Variants in KREMEN1 observed in about 807,000 individuals in gnomAD.
KREMEN1 encodes kremen protein 1.
Under a neutral mutation model 46.5 loss-of-function variants are expected in KREMEN1, and 30 were observed. The observed-to-expected ratio is 0.65, with a 90% CI of 0.48 to 0.88. The LOEUF is 0.88. Among genes scored for constraint, KREMEN1 ranks in the 40% least tolerant of loss-of-function variants. The pLI is 0.00. For synonymous variants in KREMEN1, 214 were observed against 230.6 expected (o/e 0.93, Z 0.65); for missense variants, 533 against 596.9 (o/e 0.89, Z 1.11).
chr22:29,122,416 TAAA>T (rs2038370438), intron 4 of KREMEN1, among the ~76,000 whole-genome samples: 2 of 152,216 alleles, frequency 1.3e-5, no homozygotes, highest in South Asian at 4.1e-4. Flanking sequence ...CTTTCAAAGT[TAAA>T]TATGCACATA....
intron 3 of KREMEN1, among the ~76,000 whole-genome samples, chr22:29,099,848 C>T (rs1034382070): frequency 1.3e-5 from 2 of 151,460 alleles, no homozygotes; most frequent in Admixed American, 6.6e-5. Flanking sequence ...ACACCCGGCA[C>T]CTGTATTCAC....
chr22:29,121,416 A>G lies in KREMEN1; in HGVS notation c.412A>G (p.Ser138Gly), dbSNP rs377416427. 10 of 1,614,050 alleles carry G rather than the reference A, an allele frequency of 6.2e-6. No individual in the cohort carries two copies. Among genetic ancestry groups the G allele is most frequent in the Non-Finnish European group, 8.5e-6 (10 of 1,180,020 alleles). ...HGNPPPLTGT[S>G]KTSNKLTIQT... The stretch of plus-strand genomic sequence containing the variant: ...AAACCCACCTCCTCTAACTGGCACC[A>G]GTAAAACGTCCAACAAACTCACCAT... Residue 138 changes from serine to glycine, a missense_variant, in exon 4 of 9, where the codon AGT becomes GGT. Coordinates refer to ENST00000400335, the MANE Select transcript of KREMEN1 (RefSeq NM_001039570.3).
rs1163830285 is a variant in KREMEN1, at chr22:29,091,195, A to G, written c.98-3063A>G. Among the ~76,000 whole-genome samples, 2 of 152,006 alleles carry G rather than the reference A, an allele frequency of 1.3e-5. 1 individual carries two copies. Among genetic ancestry groups the G allele is most frequent in the Non-Finnish European group, 2.9e-5 (2 of 67,998 alleles). On this transcript the variant is annotated intron_variant, in intron 1 of 8. Coordinates refer to ENST00000400335, the MANE Select transcript of KREMEN1 (RefSeq NM_001039570.3). ...TCCATGTTGGCCAGGCTGGTCTCGAACTCCTGACCTCAGGTGATCCGCTCG... is the reference window on the plus strand; with the variant it reads ...TCCATGTTGGCCAGGCTGGTCTCGAGCTCCTGACCTCAGGTGATCCGCTCG...
intron 1 of KREMEN1, among the ~76,000 whole-genome samples, chr22:29,074,703 A>G (rs1170494989): frequency 6.6e-6 from 1 of 152,232 alleles, no homozygotes; most frequent in East Asian, 1.9e-4. Flanking sequence ...TGCTGGTGTA[A>G]GAAAACTCAG....
intron 4 of KREMEN1, among the ~76,000 whole-genome samples, chr22:29,123,032 A>C (rs549692357): frequency 6.6e-6 from 1 of 151,804 alleles, no homozygotes; most frequent in Non-Finnish European, 1.5e-5. Flanking sequence ...GAACTTAAAC[A>C]CAAGACTACA....
At chr22:29,080,206 TTCCC>T (rs1166810738) in intron 1 of KREMEN1, among the ~76,000 whole-genome samples, 1 of 152,216 alleles carries the variant, frequency 6.6e-6, no homozygotes, top group Non-Finnish European at 1.5e-5. Flanking sequence ...CCTTCAATCC[TTCCC>T]TCCCTCCATG....
At chr22:29,134,943 G>A (rs1200133187) in intron 5 of KREMEN1, among the ~76,000 whole-genome samples, 2 of 152,132 alleles carry the variant, frequency 1.3e-5, no homozygotes, top group Non-Finnish European at 2.9e-5. Context: ...TTGTTACCTG[G>A]CTGTACTCAT....
intron 3 of KREMEN1, among the ~76,000 whole-genome samples, chr22:29,117,342 C>T (rs933975502): frequency 7.2e-5 from 11 of 152,156 alleles, no homozygotes; most frequent in South Asian, 4.1e-4. Context: ...CCAAGGTGGG[C>T]GGATCGCAAG....
rs2038829002 is a variant in KREMEN1 at position 29,144,861 on chromosome 22, G to A, written c.*2749G>A. The A allele has an allele frequency of 1.0e-6, 1 of 985,562 alleles. No homozygotes were observed. Among genetic ancestry groups the A allele is most frequent in the Non-Finnish European group, 1.2e-6 (1 of 830,006 alleles). The allele number at this position is 985,562 out of a possible 1,614,324, so 61.1% of individuals were successfully genotyped here. ...AGCCAATGTGCTGTCACAGCCTGCA[G>A]CGGGGGCAGCACTTCCTCGGAGGGC... On this transcript the variant is annotated 3_prime_UTR_variant, in exon 9 of 9. Transcript: ENST00000400335.
At chr22:29,075,956 C>G (rs2037563781) in intron 1 of KREMEN1, among the ~76,000 whole-genome samples, 1 of 152,166 alleles carries the variant, frequency 6.6e-6, no homozygotes, top group African/African-American at 2.4e-5. Context: ...GTAGCCAACC[C>G]CAAATGATCT....
chr22:29,100,410 A>G (rs192431229), intron 3 of KREMEN1, among the ~76,000 whole-genome samples: 4 of 152,238 alleles, frequency 2.6e-5, no homozygotes, highest in African/African-American at 4.8e-5. Context: ...TAGTCTTTAT[A>G]TATGTATATA....
downstream of KREMEN1, chr22:29,146,877 C>A: frequency 1.3e-6 from 1 of 793,308 alleles, no homozygotes; most frequent in Non-Finnish European, 1.5e-6. Context: ...GTGGGACAAG[C>A]GGAGGGTGTC....
chr22:29,132,530 A>G (rs2038579132), intron 5 of KREMEN1, among the ~76,000 whole-genome samples: 1 of 152,210 alleles, frequency 6.6e-6, no homozygotes, highest in Non-Finnish European at 1.5e-5. Flanking sequence ...CTCTCCAGCT[A>G]CAGATACTTT....
At chr22:29,164,845 G>T (rs2039040542) in intron 9 of KREMEN1, among the ~76,000 whole-genome samples, 1 of 151,988 alleles carries the variant, frequency 6.6e-6, no homozygotes, top group South Asian at 2.1e-4. Flanking sequence ...AGGCATGGTG[G>T]CTCACACCTG....
At chr22:29,153,627 G>A (rs2038935386) in intron 9 of KREMEN1, among the ~76,000 whole-genome samples, 2 of 151,938 alleles carry the variant, frequency 1.3e-5, no homozygotes, top group Non-Finnish European at 2.9e-5. Context: ...CCGAAGTGCT[G>A]AGATTACAGG....
At position 29,099,073 on chromosome 22, in the gene KREMEN1, G is replaced by A. The variant is rs557150651; in HGVS notation, c.352+120G>A. Reference sequence around the variant, plus strand: ...GGTGGATTTCATGGAGCATGTGAAAGGAGAAGCCATCCTGGGCGAGGATTT... The same window carrying A: ...GGTGGATTTCATGGAGCATGTGAAAAGAGAAGCCATCCTGGGCGAGGATTT... On this transcript the variant is annotated intron_variant, in intron 3 of 8. Transcript: ENST00000400335. 154 of 712,938 alleles carry A rather than the reference G, an allele frequency of 2.2e-4. 1 individual carries two copies. The African/African-American group carries it at 2.2e-3, about 10-fold the overall frequency. 44.2% of individuals were successfully genotyped at this position (712,938 alleles called of 1,614,324 possible).
intron 3 of KREMEN1, among the ~76,000 whole-genome samples, chr22:29,115,716 G>A (rs2038227679): frequency 6.6e-6 from 1 of 152,206 alleles, no homozygotes; most frequent in African/African-American, 2.4e-5. Context: ...CCTCTTTCTT[G>A]TGGGGGATAG....
At chr22:29,080,507 AAGATTCTTCCCTAGCGCTTCTGGC>A (rs2037636995) in intron 1 of KREMEN1, among the ~76,000 whole-genome samples, 2 of 152,226 alleles carry the variant, frequency 1.3e-5, no homozygotes, top group South Asian at 4.1e-4. Flanking sequence ...TGGCTCACCA[AAGATTCTTCCCTAGCGCTTCTGGC>A]AGATGAAGGG....
chr22:29,141,253 GCATGTGCA>G (rs2038756849), intron 8 of KREMEN1, among the ~76,000 whole-genome samples: 1 of 144,054 alleles, frequency 6.9e-6, no homozygotes, highest in Non-Finnish European at 1.5e-5. Context: ...GTGTGTGTCT[GCATGTGCA>G]TGTGTGTGTG....
Sources: gnomAD v4.1 joint callset for allele counts (sites outside exome capture counted in the v4.1 genomes callset) on GRCh38, gnomAD v4.1.1 for gene constraint, MANE v1.5 for transcripts, NCBI Gene and HGNC (gene_info 2026-07-23, HGNC 2026-07-21) for gene names.